The following SNTB1 variants were observed in gnomAD, a reference collection of about 807,000 sequenced individuals.
SNTB1 encodes syntrophin beta 1, also known as beta-1-syntrophin.
A neutral mutation model predicts 48.9 loss-of-function variants in SNTB1; 36 were observed. That is an observed-to-expected ratio of 0.74 (90% CI 0.56 to 0.97). SNTB1 has a LOEUF of 0.97. Ranked by LOEUF, SNTB1 falls within the 50% of genes least tolerant of loss-of-function variation. The pLI is 0.00. For synonymous variants in SNTB1, 299 were observed against 294.6 expected, an observed-to-expected ratio of 1.01 and a Z score of -0.15; for missense variants, 786 against 703.4, an observed-to-expected ratio of 1.12 and a Z score of -1.33.
chr8:120,670,434 C>G (rs1238464997), intron 2 of SNTB1, among the ~76,000 whole-genome samples: 2 of 152,104 alleles, frequency 1.3e-5, no homozygotes, highest in Non-Finnish European at 2.9e-5. Flanking sequence ...TTGAAGGAAG[C>G]AGACAGAAAC....
Position 120,811,243 on chromosome 8 carries a change from G to A in SNTB1, c.571+30C>T, listed in dbSNP as rs745365654. 1.9e-6 allele frequency: 3 copies of A among 1,551,004 alleles called. No individual in the cohort carries two copies. In the African/African-American group the frequency reaches 4.1e-5, roughly 21 times the overall value. Reference sequence around the variant, plus strand: ...AAGCCGAGCAGGTGTGTGCGCGCCCGGCGCGGCCCGCGCGCTGTTAACCCC... The same window carrying A: ...AAGCCGAGCAGGTGTGTGCGCGCCCAGCGCGGCCCGCGCGCTGTTAACCCC... On this transcript the variant is annotated intron_variant, in intron 1 of 6. Transcript: ENST00000517992.
At chr8:120,794,407 C>T (rs1563604556) in intron 1 of SNTB1, among the ~76,000 whole-genome samples, 1 of 151,930 alleles carries the variant, frequency 6.6e-6, no homozygotes, top group African/African-American at 2.4e-5. Flanking sequence ...AAATGACTAA[C>T]TAGAGGGACT....
At chr8:120,707,240 C>G (rs772791426) in intron 1 of SNTB1, among the ~76,000 whole-genome samples, 1 of 152,070 alleles carries the variant, frequency 6.6e-6, no homozygotes, top group Non-Finnish European at 1.5e-5. Flanking sequence ...ACAACTTTCC[C>G]CATCAAATTT....
At chr8:120,678,369 G>T (rs1817873408) in intron 2 of SNTB1, among the ~76,000 whole-genome samples, 1 of 152,054 alleles carries the variant, frequency 6.6e-6, no homozygotes, top group Non-Finnish European at 1.5e-5. Flanking sequence ...GAAGAATATG[G>T]TCCCTGTAGA....
chr8:120,715,956 C>A (rs1818548518), intron 1 of SNTB1, among the ~76,000 whole-genome samples: 2 of 152,094 alleles, frequency 1.3e-5, no homozygotes, highest in South Asian at 2.1e-4. Flanking sequence ...TCCCATTTAC[C>A]CTGGGAAATT....
chr8:120,623,688 G>C (rs552469344), intron 3 of SNTB1, among the ~76,000 whole-genome samples: 1 of 152,184 alleles, frequency 6.6e-6, no homozygotes, highest in Non-Finnish European at 1.5e-5. Flanking sequence ...GTTTCAGGTA[G>C]GGAATATCTC....
At chr8:120,615,874 G>A (rs1448039926) in intron 3 of SNTB1, among the ~76,000 whole-genome samples, 1 of 151,612 alleles carries the variant, frequency 6.6e-6, no homozygotes, top group Non-Finnish European at 1.5e-5. Flanking sequence ...TCTCTTAACT[G>A]GATGTAGCTC....
chr8:120,611,440 A>C (rs1445466102), intron 3 of SNTB1, among the ~76,000 whole-genome samples: 4 of 152,234 alleles, frequency 2.6e-5, no homozygotes, highest in Non-Finnish European at 5.9e-5. Context: ...CACATTCCTT[A>C]CAGCAGTCTG....
intron 1 of SNTB1, among the ~76,000 whole-genome samples, chr8:120,790,554 A>G (rs1587165119): frequency 6.6e-6 from 1 of 152,184 alleles, no homozygotes; most frequent in East Asian, 1.9e-4. Flanking sequence ...TTACCAAATC[A>G]GTGTATACAA....
At chr8:120,811,151 C>T in intron 1 of SNTB1, 122 bp downstream of exon 1, 4 of 1,322,942 alleles carry the variant, frequency 3.0e-6, no homozygotes, top group Non-Finnish European at 4.0e-6. Flanking sequence ...CCAACACACA[C>T]ACACCCGGCC....
At chr8:120,567,325 T>A (rs1272579039) in intron 4 of SNTB1, among the ~76,000 whole-genome samples, 1 of 152,020 alleles carries the variant, frequency 6.6e-6, no homozygotes, top group Non-Finnish European at 1.5e-5. Flanking sequence ...TTGGGCAAGG[T>A]TTGCAAACCC....
intron 3 of SNTB1, among the ~76,000 whole-genome samples, chr8:120,628,249 T>C: frequency 6.6e-6 from 1 of 152,250 alleles, no homozygotes; most frequent in East Asian, 1.9e-4. Flanking sequence ...TTCTGCTGTG[T>C]CCCTGTTTAT....
intron 2 of SNTB1, among the ~76,000 whole-genome samples, chr8:120,670,736 T>C (rs537917745): frequency 4.9e-4 from 75 of 152,338 alleles, no homozygotes; most frequent in African/African-American, 1.6e-3. Context: ...AAGATTTCAG[T>C]GGAAAGTGCA....
In SNTB1 at chr8:120,775,707, C is replaced by CAAGGAAGGAAGGAAGGAAGG. The variant is rs371412589; in HGVS notation, c.571+35546_571+35565dup. Reference sequence around the variant, plus strand: ...GGAAGGAAGGAGGGAGGGAAGGAGACAAGGAAGGAAGGAAGGAAGGAAGGA... The same window carrying CAAGGAAGGAAGGAAGGAAGG: ...GGAAGGAAGGAGGGAGGGAAGGAGACAAGGAAGGAAGGAAGGAAGGAAGGAAGGAAGGAAGGAAGGAAGGA... On this transcript the variant is annotated intron_variant, in intron 1 of 6. Transcript: ENST00000517992. Among the ~76,000 whole-genome samples, 318 of 114,456 alleles carry CAAGGAAGGAAGGAAGGAAGG rather than the reference C, an allele frequency of 2.8e-3. 2 individuals carry two copies. Among genetic ancestry groups the CAAGGAAGGAAGGAAGGAAGG allele is most frequent in the Non-Finnish European group, 4.2e-3 (232 of 55,388 alleles). The allele number at this position is 114,456 out of a possible 152,430, so 75.1% of individuals were successfully genotyped here.
chr8:120,702,551 C>T (rs535352439), intron 1 of SNTB1, among the ~76,000 whole-genome samples: 1 of 151,704 alleles, frequency 6.6e-6, no homozygotes. Flanking sequence ...CCTGACACCT[C>T]AGGCATGCCT....
chr8:120,595,408 G>A (rs1816307187), intron 3 of SNTB1, among the ~76,000 whole-genome samples: 1 of 152,110 alleles, frequency 6.6e-6, no homozygotes, highest in African/African-American at 2.4e-5. Context: ...CCAGCGCCAT[G>A]ACAGTTTACA....
At chr8:120,690,794 T>G (rs1818111981) in intron 2 of SNTB1, among the ~76,000 whole-genome samples, 1 of 152,208 alleles carries the variant, frequency 6.6e-6, no homozygotes, top group Non-Finnish European at 1.5e-5. Flanking sequence ...TACCTGGAGT[T>G]TCATAAAATA....
At chr8:120,690,338 C>T (rs1818103878) in intron 2 of SNTB1, among the ~76,000 whole-genome samples, 1 of 152,098 alleles carries the variant, frequency 6.6e-6, no homozygotes, top group South Asian at 2.1e-4. Context: ...CTGTATTTAT[C>T]TGTGTCCTCT....
chr8:120,605,515 T>G (rs1049858856), intron 3 of SNTB1, among the ~76,000 whole-genome samples: 3 of 152,198 alleles, frequency 2.0e-5, no homozygotes, highest in African/African-American at 7.2e-5. Flanking sequence ...TTGGTTAGTG[T>G]TTCTTAAGAA....
Sources: allele counts gnomAD v4.1 joint callset (sites outside exome capture counted in the v4.1 genomes callset), GRCh38; gene constraint gnomAD v4.1.1; transcripts MANE v1.5; gene names NCBI Gene and HGNC (gene_info 2026-07-23, HGNC 2026-07-21).